AHCTF1: variants seen among roughly 807,000 people sequenced by gnomAD.
The protein encoded by AHCTF1 is AT-hook containing transcription factor 1.
A neutral mutation model predicts 248.4 loss-of-function variants in AHCTF1; 24 were observed. That is an observed-to-expected ratio of 0.10 (90% confidence interval 0.07 to 0.14). AHCTF1 has a LOEUF of 0.14. AHCTF1 is among the 10% of genes least tolerant of loss of function. The pLI is 1.00. For missense variants in AHCTF1, 2,206 were observed against 2,636.2 expected (o/e 0.84, Z 3.57); for synonymous variants, 786 against 929.8 (o/e 0.85, Z 2.81).
intron 31 of AHCTF1, among the ~76,000 whole-genome samples, chr1:246,853,510 A>C (rs560689304): frequency 7.9e-5 from 12 of 152,340 alleles, no homozygotes; most frequent in African/African-American, 2.6e-4. Flanking sequence ...AAAAATGATA[A>C]CTGATAAACG....
rs112927817 is a variant in AHCTF1, at chr1:246,852,494, T to A, written c.4563+597A>T. Among the ~76,000 whole-genome samples the A allele has an allele frequency of 9.4e-3, 1,427 of 151,980 alleles. 14 individuals are homozygous for A. Among genetic ancestry groups the A allele is most frequent in the African/African-American group, 0.023 (965 of 41,440 alleles). On this transcript the variant is annotated intron_variant, in intron 32 of 35. Transcript: ENST00000648844. ...ATTTGGTATAATAGAATTTTTTTTT[T>A]AAAAAAACTAAGTCTTATTAAGTAG...
At chr1:246,922,657 G>A (rs1273182567) in intron 1 of AHCTF1, among the ~76,000 whole-genome samples, 2 of 150,236 alleles carry the variant, frequency 1.3e-5, no homozygotes, top group Non-Finnish European at 3.0e-5. Context: ...GCCTCCCAAA[G>A]TGCTGGGATT....
chr1:246,893,525 C>T (rs1272807885), intron 14 of AHCTF1, among the ~76,000 whole-genome samples: 1 of 152,116 alleles, frequency 6.6e-6, no homozygotes, highest in Non-Finnish European at 1.5e-5. Context: ...ACTTTTTAGC[C>T]TTATTTTTGC....
chr1:246,870,265 G>A (rs987854919), intron 24 of AHCTF1, among the ~76,000 whole-genome samples: 1 of 152,080 alleles, frequency 6.6e-6, no homozygotes, highest in Non-Finnish European at 1.5e-5. Flanking sequence ...GCGACATAGT[G>A]AGGCCCTCTC....
intron 3 of AHCTF1, among the ~76,000 whole-genome samples, chr1:246,914,990 G>A (rs895680013): frequency 1.3e-5 from 2 of 152,034 alleles, no homozygotes; most frequent in Non-Finnish European, 2.9e-5. Context: ...CAATATCCTC[G>A]CTGACCCAAT....
intron 1 of AHCTF1, among the ~76,000 whole-genome samples, chr1:246,925,200 A>G (rs190725635): frequency 6.6e-6 from 1 of 152,334 alleles, no homozygotes; most frequent in Admixed American, 6.5e-5. Context: ...AGCTTTTTAC[A>G]AAGTGTATTC....
chr1:246,877,901 ATTT>A (rs1663092300), intron 21 of AHCTF1, among the ~76,000 whole-genome samples: 1 of 151,924 alleles, frequency 6.6e-6, no homozygotes, highest in Admixed American at 6.6e-5. Context: ...AGGTAGGAGA[ATTT>A]TTTTACTGTT....
At position 246,900,428 on chromosome 1, in the gene AHCTF1, C is replaced by T. The variant is rs1664914344; in HGVS notation, c.1159G>A (p.Val387Met). Residue 387 changes from valine (V) to methionine (M), a missense_variant, in exon 9 of 36, where the codon GTG becomes ATG. Physicochemically the swap from Val to Met is conservative, Grantham distance 21 (BLOSUM62 1). Coordinates refer to ENST00000648844, the MANE Select transcript of AHCTF1 (RefSeq NM_001323342.2). ...GGCTTTCCCTGTCCATATATATTCA[C>T]CTGCCAGGTAAAGACTGAAACACTA... ...DTSVSVFTWQ[V>M]NIYGQGKPSV... 4 of 1,597,406 alleles carry T rather than the reference C, an allele frequency of 2.5e-6. No homozygotes were observed. The highest frequency in any genetic ancestry group is 2.2e-5 in the East Asian group (1 of 44,738).
rs1172207985 is a variant in AHCTF1 at position 246,839,765 on chromosome 1, A to C, written c.*1041T>G. On this transcript the variant is annotated 3_prime_UTR_variant, in exon 36 of 36. Transcript: ENST00000648844. The stretch of plus-strand genomic sequence containing the variant: ...ATTACCTGTTATAAATTATTTTACA[A>C]CACTTATTTATTGATGAGTGTTAGA... The C allele has an allele frequency of 6.3e-6, 1 of 158,294 alleles. No homozygotes were observed. Among genetic ancestry groups the C allele is most frequent in the East Asian group, 1.9e-4 (1 of 5,218 alleles). The allele number at this position is 158,294 out of a possible 1,614,324, so 9.8% of individuals were successfully genotyped here. A position where few individuals can be genotyped will look rare whatever the true frequency, so the allele number is the denominator to read the frequency against.
intron 21 of AHCTF1, among the ~76,000 whole-genome samples, chr1:246,880,984 G>A (rs2103115308): frequency 6.6e-6 from 1 of 152,328 alleles, no homozygotes; most frequent in East Asian, 1.9e-4. Flanking sequence ...AGCAAAGACA[G>A]ACTGAAAACC....
intron 7 of AHCTF1, among the ~76,000 whole-genome samples, chr1:246,903,637 G>C (rs1665160058): frequency 6.8e-6 from 1 of 146,170 alleles, no homozygotes; most frequent in African/African-American, 2.6e-5. Context: ...AGACCAGCCT[G>C]GCCAAGATGG....
In AHCTF1 at chr1:246,861,088, C is replaced by T. The variant is rs1444934170; in HGVS notation, c.3943G>A (p.Asp1315Asn). The change falls in exon 29 of 36, where the codon GAT (aspartate) becomes AAT (asparagine). Residue 1315 changes from aspartate to asparagine, a missense_variant. Physicochemically the swap from Asp to Asn is conservative, Grantham distance 23. Around this residue, in one of 6 missense-constraint regions of AHCTF1, gnomAD observed 955 missense variants for 1,055.6 expected, o/e 0.90. Coordinates refer to ENST00000648844, the MANE Select transcript of AHCTF1 (RefSeq NM_001323342.2). ...KGNSSVSITS[D>N]ETTLEYQDAP... ...TCCTGATACTCTAAGGTAGTCTCAT[C>T]GGATGTGATTGAAACACTGCTGTTT... is the stretch of plus-strand genomic sequence containing the variant. 1.5e-5 allele frequency: 25 copies of T among 1,613,932 alleles called. No individual in the cohort carries two copies. The highest frequency in any genetic ancestry group is 2.2e-5 in the South Asian group (2 of 91,078).
intron 33 of AHCTF1, among the ~76,000 whole-genome samples, chr1:246,845,546 AC>A (rs1176406740): frequency 6.6e-6 from 1 of 152,220 alleles, no homozygotes; most frequent in East Asian, 1.9e-4. Context: ...CTTCTAGGCT[AC>A]CTGAAAAAAC....
intron 31 of AHCTF1, among the ~76,000 whole-genome samples, chr1:246,854,496 C>A (rs565096790): frequency 6.6e-6 from 1 of 152,230 alleles, no homozygotes; most frequent in South Asian, 2.1e-4. Flanking sequence ...AACATCTACA[C>A]TACAAAACAC....
At chr1:246,880,391 C>G (rs1002154808) in intron 21 of AHCTF1, among the ~76,000 whole-genome samples, 1 of 151,778 alleles carries the variant, frequency 6.6e-6, no homozygotes, top group African/African-American at 2.4e-5. Context: ...GGTAAAAACC[C>G]CGTCTCTACT....
intron 33 of AHCTF1, among the ~76,000 whole-genome samples, chr1:246,846,685 A>G (rs181351945): frequency 6.6e-6 from 1 of 152,002 alleles, no homozygotes; most frequent in East Asian, 1.9e-4. Flanking sequence ...AAATGCCAAT[A>G]TGAAAAAAAA....
Position 246,850,920 on chromosome 1 carries a change from T to A in AHCTF1, c.5086A>T (p.Thr1696Ser), listed in dbSNP as rs758191634. 14 of 1,613,994 alleles carry A rather than the reference T, an allele frequency of 8.7e-6. No individual in the cohort carries two copies. The highest frequency in any genetic ancestry group is 1.2e-5 in the Non-Finnish European group (14 of 1,179,870). The change falls in exon 33 of 36, where the codon ACA becomes TCA. Residue 1696 changes from threonine (T) to serine (S), a missense_variant. Thr to Ser is a moderately conservative substitution (Grantham distance 58). Transcript: ENST00000648844. ...ATGTTTTGGCTCACTAAAGGTATTGTTTCATGAATGGACTGTTCCATTGTA... is the reference window on the plus strand; with the variant it reads ...ATGTTTTGGCTCACTAAAGGTATTGATTCATGAATGGACTGTTCCATTGTA... Reference protein sequence around the residue: ...SDTMEQSIHETIPLVSQNIMC... With the variant: ...SDTMEQSIHESIPLVSQNIMC...
chr1:246,928,553 T>C (rs1367059064), intron 1 of AHCTF1, among the ~76,000 whole-genome samples: 1 of 152,158 alleles, frequency 6.6e-6, no homozygotes, highest in Non-Finnish European at 1.5e-5. Context: ...AAACTCAAGA[T>C]TGGGCCCAAT....
At chr1:246,890,128 T>C (rs1572421665) in intron 16 of AHCTF1, 69 bp from the exon 17 acceptor site, 1 of 1,124,666 alleles carries the variant, frequency 8.9e-7, no homozygotes. Context: ...CATATTAATA[T>C]TTTACTGTAA....
Sources: allele counts gnomAD v4.1 joint callset (sites outside exome capture counted in the v4.1 genomes callset), GRCh38; gene constraint gnomAD v4.1.1; regional missense constraint gnomAD v4.1.1; transcripts MANE v1.5; gene names NCBI Gene and HGNC (gene_info 2026-07-23, HGNC 2026-07-21).